FRMD4A: variants seen among roughly 807,000 people sequenced by gnomAD.
FRMD4A encodes FERM domain-containing protein 4A.
A neutral mutation model predicts 129.1 loss-of-function variants in FRMD4A; 29 were observed. That is an observed-to-expected ratio of 0.22 (90% CI 0.17 to 0.31). The LOEUF (loss-of-function observed/expected upper bound fraction) is 0.31, where lower values mean the gene tolerates loss of function less well. FRMD4A is among the 10% of genes least tolerant of loss of function. The pLI, the probability that FRMD4A is intolerant of heterozygous loss-of-function variation, is 1.00. For missense variants in FRMD4A, 1,272 were observed against 1,375.8 expected (o/e 0.92, Z 1.19); for synonymous variants, 634 against 571.6 (o/e 1.11, Z -1.56).
chr10:13,645,133 C>G lies in FRMD4A; in HGVS notation c.*1905G>C, dbSNP rs1026469633. 2 of 152,168 alleles carry G rather than the reference C, an allele frequency of 1.3e-5. No homozygotes were observed. Among genetic ancestry groups the G allele is most frequent in the African/African-American group, 4.8e-5 (2 of 41,410 alleles). The allele number at this position is 152,168 out of a possible 1,614,324, so 9.4% of individuals were successfully genotyped here. On this transcript the variant is annotated 3_prime_UTR_variant, in exon 25 of 25. Transcript: ENST00000357447. Reference sequence around the variant, plus strand: ...CTCCAGGCTGCAGCAGAAGGAATACCTTGGTATTTGTTTCATTTTAGTGTC... The same window carrying G: ...CTCCAGGCTGCAGCAGAAGGAATACGTTGGTATTTGTTTCATTTTAGTGTC...
intron 2 of FRMD4A, among the ~76,000 whole-genome samples, chr10:13,934,058 T>C (rs1036915012): frequency 1.3e-5 from 2 of 152,090 alleles, no homozygotes; most frequent in Admixed American, 6.5e-5. Context: ...AAAGAAGTGA[T>C]CAGAAAAGCA....
chr10:13,771,246 A>G (rs1182706749), intron 6 of FRMD4A, among the ~76,000 whole-genome samples: 1 of 151,646 alleles, frequency 6.6e-6, no homozygotes, highest in African/African-American at 2.4e-5. Context: ...GGCTAATTAA[A>G]TATATTTTTT....
At chr10:13,905,583 G>T (rs1446175817) in intron 2 of FRMD4A, among the ~76,000 whole-genome samples, 2 of 152,060 alleles carry the variant, frequency 1.3e-5, no homozygotes, top group Non-Finnish European at 2.9e-5. Flanking sequence ...TAATAATAGT[G>T]ATAATAATAA....
intron 2 of FRMD4A, among the ~76,000 whole-genome samples, chr10:14,320,046 A>G (rs1004200626): frequency 6.6e-6 from 1 of 151,584 alleles, no homozygotes; most frequent in African/African-American, 2.4e-5. Flanking sequence ...TTCAGAATTC[A>G]TTCCCCTTCC....
intron 4 of FRMD4A, among the ~76,000 whole-genome samples, chr10:13,805,870 T>C (rs1203618956): frequency 6.6e-6 from 1 of 151,966 alleles, no homozygotes; most frequent in Non-Finnish European, 1.5e-5. Context: ...TAATTTTTTT[T>C]TTTTTTGAGA....
chr10:14,024,483 A>G (rs1430022343), intron 2 of FRMD4A, among the ~76,000 whole-genome samples: 1 of 152,236 alleles, frequency 6.6e-6, no homozygotes, highest in Non-Finnish European at 1.5e-5. Context: ...TCCCCAGCTC[A>G]GGAAACACCG....
chr10:13,659,891 A>G (rs765526594), intron 20 of FRMD4A, among the ~76,000 whole-genome samples: 4 of 152,104 alleles, frequency 2.6e-5, no homozygotes, highest in African/African-American at 4.8e-5. Context: ...CTACAAAGTC[A>G]GCCCGGTAAT....
chr10:13,956,861 T>C (rs1216941331), intron 2 of FRMD4A, among the ~76,000 whole-genome samples: 1 of 152,228 alleles, frequency 6.6e-6, no homozygotes, highest in Non-Finnish European at 1.5e-5. Flanking sequence ...GTGTTGGCCC[T>C]TAGCAAAATC....
chr10:13,805,131 GTTTTC>G (rs1292789730), intron 4 of FRMD4A, among the ~76,000 whole-genome samples: 2 of 151,866 alleles, frequency 1.3e-5, no homozygotes, highest in Non-Finnish European at 2.9e-5. Context: ...AAAGCTACTC[GTTTTC>G]TTTTCTTTCT....
chr10:14,274,409 C>A (rs1316248567), intron 2 of FRMD4A, among the ~76,000 whole-genome samples: 2 of 152,142 alleles, frequency 1.3e-5, no homozygotes, highest in Non-Finnish European at 2.9e-5. Flanking sequence ...AGTGGTGGAT[C>A]CAGAGCCCAC....
chr10:14,030,547 A>G (rs1477746680), intron 2 of FRMD4A, among the ~76,000 whole-genome samples: 1 of 152,256 alleles, frequency 6.6e-6, no homozygotes, highest in Non-Finnish European at 1.5e-5. Context: ...AGAGGATTTT[A>G]AAGATTGTTT....
chr10:13,806,003 A>C (rs1166332317), intron 4 of FRMD4A, among the ~76,000 whole-genome samples: 1 of 152,114 alleles, frequency 6.6e-6, no homozygotes, highest in Non-Finnish European at 1.5e-5. Context: ...AATTACAAGC[A>C]TGTACTACCA....
intron 6 of FRMD4A, among the ~76,000 whole-genome samples, chr10:13,764,781 G>C (rs143441299): frequency 1.3e-5 from 2 of 152,270 alleles, no homozygotes; most frequent in African/African-American, 2.4e-5. Context: ...TCCCATAGTG[G>C]CTGACTGGAT....
At chr10:14,301,892 G>T (rs1240375209) in intron 2 of FRMD4A, among the ~76,000 whole-genome samples, 1 of 152,100 alleles carries the variant, frequency 6.6e-6, no homozygotes, top group Non-Finnish European at 1.5e-5. Context: ...CTGGATGGTT[G>T]GGTGCAGGTT....
At chr10:14,062,036 C>T (rs1191962392) in intron 2 of FRMD4A, among the ~76,000 whole-genome samples, 2 of 152,122 alleles carry the variant, frequency 1.3e-5, no homozygotes, top group Admixed American at 6.5e-5. Context: ...ACCCTTGGAA[C>T]ACAAAATGTA....
At chr10:13,943,377 C>G (rs542048065) in intron 2 of FRMD4A, among the ~76,000 whole-genome samples, 3 of 151,948 alleles carry the variant, frequency 2.0e-5, no homozygotes, top group African/African-American at 7.2e-5. Context: ...CGGCCAGGTG[C>G]GGTGATTCAC....
chr10:14,255,243 C>A (rs760335058), intron 2 of FRMD4A, among the ~76,000 whole-genome samples: 36 of 152,284 alleles, frequency 2.4e-4, no homozygotes, highest in Non-Finnish European at 3.8e-4. Context: ...TCTTTCTCTG[C>A]TTATAAATCT....
intron 2 of FRMD4A, among the ~76,000 whole-genome samples, chr10:14,057,370 CCTAGAGCTGGGGTTATAGGATTAG>C (rs1276243596): frequency 1.3e-5 from 2 of 152,098 alleles, no homozygotes; most frequent in Admixed American, 6.6e-5. Context: ...TCGTCTTTAC[CCTAGAGCTGGGGTTATAGGATTAG>C]GTCATGTTGA....
chr10:13,774,517 C>T (rs578144609), intron 6 of FRMD4A, among the ~76,000 whole-genome samples: 4 of 152,300 alleles, frequency 2.6e-5, no homozygotes, highest in South Asian at 4.1e-4. Flanking sequence ...TGTTCCCTCC[C>T]GATCCCTGGA....
Sources: gnomAD v4.1 joint callset for allele counts (sites outside exome capture counted in the v4.1 genomes callset) on GRCh38, gnomAD v4.1.1 for gene constraint, MANE v1.5 for transcripts, NCBI Gene and HGNC (gene_info 2026-07-23, HGNC 2026-07-21) for gene names.